Variants in SBF2 observed in about 807,000 individuals in gnomAD.
SBF2 encodes the protein SET binding factor 2.
Under a neutral mutation model 225.2 loss-of-function variants are expected in SBF2, and 112 were observed. The ratio of observed to expected loss-of-function variants is 0.50; its 90% confidence interval spans 0.43 to 0.58. SBF2 has a LOEUF of 0.58. SBF2 is among the 20% of genes least tolerant of loss of function. The pLI is 0.00. For missense variants in SBF2, 1,996 were observed against 2,206.2 expected (o/e 0.90, Z 1.91); for synonymous variants, 763 against 773.3 (o/e 0.99, Z 0.22).
chr11:10,185,131 T>C (rs1785462853), intron 2 of SBF2, among the ~76,000 whole-genome samples: 1 of 151,862 alleles, frequency 6.6e-6, no homozygotes, highest in African/African-American at 2.4e-5. Context: ...TGTGTGTGCG[T>C]GCACACGTGT....
chr11:10,251,367 T>C (rs1324194977), intron 1 of SBF2, among the ~76,000 whole-genome samples: 2 of 152,192 alleles, frequency 1.3e-5, no homozygotes, highest in Non-Finnish European at 2.9e-5. Context: ...CTATAGCAGA[T>C]TCTACTGTAA....
At chr11:9,944,542 AC>A (rs1270159383) in intron 16 of SBF2, among the ~76,000 whole-genome samples, 3 of 152,240 alleles carry the variant, frequency 2.0e-5, no homozygotes, top group Non-Finnish European at 2.9e-5. Flanking sequence ...AAATAGTCAA[AC>A]ACATATAATA....
At position 9,842,881 on chromosome 11, in the gene SBF2, G is replaced by C. The variant is rs56254895; in HGVS notation, c.3111-111C>G. ...CTTCTCCTTTCCCACAGCCACTACT[G>C]GTCCAGACTCTTGTTAAGCCTCTCC... On this transcript the variant is annotated intron_variant, in intron 24 of 39. Transcript: ENST00000256190. 50,630 of 1,022,042 alleles carry C rather than the reference G, an allele frequency of 0.05. 1,644 individuals carry two copies. The highest frequency in any genetic ancestry group is 0.062 in the Non-Finnish European group (41,758 of 678,870). 63.3% of individuals were successfully genotyped at this position (1,022,042 alleles called of 1,614,324 possible).
At chr11:10,019,741 A>C (rs1948779172) in intron 6 of SBF2, among the ~76,000 whole-genome samples, 1 of 152,170 alleles carries the variant, frequency 6.6e-6, no homozygotes, top group African/African-American at 2.4e-5. Flanking sequence ...GAATAAGCTG[A>C]GAAAACTAAG....
intron 1 of SBF2, among the ~76,000 whole-genome samples, chr11:10,231,663 C>T (rs972484809): frequency 1.3e-5 from 2 of 152,194 alleles, no homozygotes; most frequent in Admixed American, 6.5e-5. Flanking sequence ...GATCGTTTCT[C>T]TGGAAGTTTT....
At chr11:10,167,561 G>T (rs1956016413) in intron 2 of SBF2, among the ~76,000 whole-genome samples, 1 of 152,048 alleles carries the variant, frequency 6.6e-6, no homozygotes, top group Non-Finnish European at 1.5e-5. Flanking sequence ...GAGCAACACT[G>T]TGTCTTCTAA....
intron 17 of SBF2, among the ~76,000 whole-genome samples, chr11:9,871,524 C>T (rs985472794): frequency 3.1e-5 from 4 of 129,800 alleles, no homozygotes; most frequent in Non-Finnish European, 6.8e-5. Flanking sequence ...ATGAGTCTCA[C>T]TCTGTTGCCC....
Position 9,993,961 on chromosome 11 carries a change from A to G in SBF2, c.1013T>C (p.Phe338Ser). 1.6e-6 allele frequency: 2 copies of G among 1,237,620 alleles called. No individual in the cohort carries two copies. The highest frequency in any genetic ancestry group is 1.2e-5 in the South Asian group (1 of 83,360). The allele number at this position is 1,237,620 out of a possible 1,614,324, so 76.7% of individuals were successfully genotyped here. ...GGATAAAGCTGTTCGTGGAGGAGGAAAAGCATGATCTGCTACTTCCAAATC... is the reference window on the plus strand; with the variant it reads ...GGATAAAGCTGTTCGTGGAGGAGGAGAAGCATGATCTGCTACTTCCAAATC... The part of the protein sequence containing the change: ...HPDLEVADHA[F>S]PPPRTALSHS... Residue 338 changes from phenylalanine (F) to serine (S), a missense_variant, in exon 10 of 40, where the codon TTT becomes TCT. Physicochemically the swap from Phe to Ser is radical, Grantham distance 155. Coordinates refer to ENST00000256190, the MANE Select transcript of SBF2 (RefSeq NM_030962.4).
At chr11:9,804,951 T>C (rs1853714044) in intron 32 of SBF2, among the ~76,000 whole-genome samples, 1 of 152,154 alleles carries the variant, frequency 6.6e-6, no homozygotes, top group Admixed American at 6.6e-5. Context: ...GATCTTGTCA[T>C]TTTAAAATAT....
At chr11:9,887,775 A>G (rs1259303593) in intron 17 of SBF2, among the ~76,000 whole-genome samples, 3 of 151,776 alleles carry the variant, frequency 2.0e-5, no homozygotes, top group East Asian at 1.9e-4. Context: ...AAAAACGATG[A>G]AAAAAAACCC....
chr11:10,272,873 G>A (rs887522370), intron 1 of SBF2, among the ~76,000 whole-genome samples: 1 of 149,862 alleles, frequency 6.7e-6, no homozygotes, highest in African/African-American at 2.5e-5. Context: ...GAGTTCGAGA[G>A]AGCCTGGCCA....
chr11:9,997,858 C>T, intron 9 of SBF2, among the ~76,000 whole-genome samples: 1 of 152,126 alleles, frequency 6.6e-6, no homozygotes, highest in South Asian at 2.1e-4. Context: ...ATTGGCAAGA[C>T]AATATTACAG....
Position 10,108,441 on chromosome 11 carries a change from T to C in SBF2, c.142-65460A>G, listed in dbSNP as rs550540698. Among the ~76,000 whole-genome samples the C allele has an allele frequency of 2.0e-4, 30 of 152,180 alleles. No homozygotes were observed. The South Asian group carries it at 4.8e-3, about 24-fold the overall frequency. On this transcript the variant is annotated intron_variant, in intron 2 of 39. Transcript: ENST00000256190. ...GTGGTATTTATAGATCCAGGGCAGTTTGGGTGCTTGTTGGAACAAAGTAAG... is the reference window on the plus strand; with the variant it reads ...GTGGTATTTATAGATCCAGGGCAGTCTGGGTGCTTGTTGGAACAAAGTAAG...
intron 34 of SBF2, 65 bp from the exon 35 acceptor site, chr11:9,789,407 C>CA: frequency 8.7e-7 from 1 of 1,155,564 alleles, no homozygotes; most frequent in Non-Finnish European, 1.3e-6. Flanking sequence ...CACTGTCAGG[C>CA]AAACCCCTAA....
At chr11:10,173,359 G>T (rs1335771456) in intron 2 of SBF2, among the ~76,000 whole-genome samples, 1 of 152,190 alleles carries the variant, frequency 6.6e-6, no homozygotes, top group Non-Finnish European at 1.5e-5. Flanking sequence ...AAGCGCAAGG[G>T]GTCAGGGAGT....
At chr11:9,784,654 C>G (rs1852252813) in intron 37 of SBF2, among the ~76,000 whole-genome samples, 1 of 152,188 alleles carries the variant, frequency 6.6e-6, no homozygotes. Flanking sequence ...TTGGAATGAT[C>G]AGTAGCCATC....
At chr11:10,263,123 T>A (rs995183048) in intron 1 of SBF2, among the ~76,000 whole-genome samples, 1 of 152,088 alleles carries the variant, frequency 6.6e-6, no homozygotes, top group African/African-American at 2.4e-5. Context: ...GATACCTTCT[T>A]TCTATACCTA....
chr11:9,854,554 C>T (rs769969349), intron 19 of SBF2, among the ~76,000 whole-genome samples: 5 of 152,140 alleles, frequency 3.3e-5, no homozygotes, highest in Non-Finnish European at 7.4e-5. Flanking sequence ...TGAGAGAGCA[C>T]TGTCATCTAT....
chr11:10,289,495 A>G (rs1964025208), intron 1 of SBF2, among the ~76,000 whole-genome samples: 1 of 152,048 alleles, frequency 6.6e-6, no homozygotes. Flanking sequence ...CCAGGCCAGT[A>G]TCTAGGGCAG....
Sources: allele counts gnomAD v4.1 joint callset (sites outside exome capture counted in the v4.1 genomes callset), GRCh38; gene constraint gnomAD v4.1.1; transcripts MANE v1.5; gene names NCBI Gene and HGNC (gene_info 2026-07-23, HGNC 2026-07-21).